The following THRB variants were observed in gnomAD, a reference collection of about 807,000 sequenced individuals.
THRB encodes the protein nuclear receptor subfamily 1 group A member 2.
THRB carries 12 observed loss-of-function variants against 47.8 expected under a neutral mutation model. The observed-to-expected ratio is 0.25, with a 90% CI of 0.16 to 0.41. The LOEUF (loss-of-function observed/expected upper bound fraction) is 0.41, where lower values mean the gene tolerates loss of function less well. Ranked by LOEUF, THRB falls within the 10% of genes least tolerant of loss-of-function variation. The probability of loss-of-function intolerance (pLI) is 1.00; values close to 1 mark genes in which losing one functional copy is unlikely to be tolerated. For synonymous variants in THRB, 218 were observed against 212.2 expected, an observed-to-expected ratio of 1.03 and a Z score of -0.24; for missense variants, 348 against 589.2, an observed-to-expected ratio of 0.59 and a Z score of 4.24.
intron 1 of THRB, among the ~76,000 whole-genome samples, chr3:24,360,347 T>C (rs910979149): frequency 1.3e-5 from 2 of 152,174 alleles, no homozygotes; most frequent in African/African-American, 2.4e-5. Flanking sequence ...ATGTGTTCAG[T>C]AGACCAGCAG....
chr3:24,123,258 C>T (rs115927097), intron 10 of THRB, 133 bp from the exon 11 acceptor site: 10 of 1,323,308 alleles, frequency 7.6e-6, no homozygotes, highest in East Asian at 2.3e-5. Context: ...ATGGATGCAG[C>T]GTGAACTCTG....
intron 1 of THRB, among the ~76,000 whole-genome samples, chr3:24,376,234 A>C (rs1362935458): frequency 6.6e-6 from 1 of 152,212 alleles, no homozygotes; most frequent in Non-Finnish European, 1.5e-5. Flanking sequence ...ACTAGACAAC[A>C]GTCCACGGCT....
intron 3 of THRB, among the ~76,000 whole-genome samples, chr3:24,232,663 C>T (rs937080757): frequency 6.6e-6 from 1 of 152,042 alleles, no homozygotes; most frequent in Non-Finnish European, 1.5e-5. Flanking sequence ...TGTGATAAGA[C>T]CCAATGTGGG....
intron 5 of THRB, among the ~76,000 whole-genome samples, chr3:24,186,816 A>G (rs1285169707): frequency 5.3e-5 from 8 of 151,934 alleles, no homozygotes; most frequent in African/African-American, 1.9e-4. Context: ...CATGTGGTGC[A>G]TGCTTGTAAT....
chr3:24,375,833 C>T (rs1348848008), intron 1 of THRB, among the ~76,000 whole-genome samples: 2 of 151,886 alleles, frequency 1.3e-5, no homozygotes, highest in East Asian at 3.9e-4. Context: ...ATCTTCTGAT[C>T]CCAAGTCTTT....
intron 3 of THRB, among the ~76,000 whole-genome samples, chr3:24,277,404 C>A (rs563730552): frequency 1.3e-5 from 2 of 152,128 alleles, no homozygotes; most frequent in African/African-American, 2.4e-5. Flanking sequence ...CAGTGTACAT[C>A]AGAATCACTT....
intron 2 of THRB, among the ~76,000 whole-genome samples, chr3:24,328,253 A>G (rs2061711421): frequency 6.6e-6 from 1 of 152,198 alleles, no homozygotes; most frequent in Non-Finnish European, 1.5e-5. Flanking sequence ...AACACTTCTT[A>G]CGGAAATAAT....
intron 5 of THRB, among the ~76,000 whole-genome samples, chr3:24,179,957 G>A (rs2683538): frequency 0.72 from 109,767 of 152,118 alleles, 40,981 homozygotes; most frequent in African/African-American, 0.93. Flanking sequence ...CAAGGAAAAG[G>A]TAACAAGAAA....
At chr3:24,321,610 T>C (rs915990468) in intron 2 of THRB, among the ~76,000 whole-genome samples, 42 of 151,976 alleles carry the variant, frequency 2.8e-4, no homozygotes, top group Admixed American at 2.0e-3. Context: ...TGAAAATTTA[T>C]GGGGGATTGT....
At chr3:24,309,367 A>C (rs914457421) in intron 2 of THRB, among the ~76,000 whole-genome samples, 5 of 152,340 alleles carry the variant, frequency 3.3e-5, no homozygotes, top group East Asian at 1.9e-4. Context: ...AATTAAAGGA[A>C]CAATCACAAA....
chr3:24,283,260 G>A (rs1369797861), intron 3 of THRB, among the ~76,000 whole-genome samples: 2 of 152,194 alleles, frequency 1.3e-5, no homozygotes, highest in African/African-American at 2.4e-5. Flanking sequence ...TCATCCCTGG[G>A]ATGCAAGGCT....
chr3:24,273,793 C>T (rs1411585377), intron 3 of THRB, among the ~76,000 whole-genome samples: 3 of 151,854 alleles, frequency 2.0e-5, no homozygotes, highest in Admixed American at 1.3e-4. Context: ...CTTCCCGAAC[C>T]CCCCCACCCC....
chr3:24,294,040 T>C (rs2056213805), intron 3 of THRB, among the ~76,000 whole-genome samples: 1 of 152,242 alleles, frequency 6.6e-6, no homozygotes, highest in Non-Finnish European at 1.5e-5. Context: ...TCAATTGAGC[T>C]GACCCTGCGG....
intron 5 of THRB, among the ~76,000 whole-genome samples, chr3:24,159,736 T>C (rs2038480429): frequency 4.5e-5 from 1 of 22,448 alleles, no homozygotes; most frequent in Non-Finnish European, 7.1e-5. Flanking sequence ...GCTGTGTGTG[T>C]GTGTGTGTGT....
intron 1 of THRB, among the ~76,000 whole-genome samples, chr3:24,370,822 C>G (rs2064849885): frequency 6.6e-6 from 1 of 152,088 alleles, no homozygotes. Flanking sequence ...TACTCTGGCT[C>G]CAGCTTCACT....
chr3:24,211,991 C>T (rs921487669), intron 4 of THRB, among the ~76,000 whole-genome samples: 2 of 152,182 alleles, frequency 1.3e-5, no homozygotes, highest in African/African-American at 4.8e-5. Flanking sequence ...AGGCTGGGCA[C>T]GGTGGTTCAC....
intron 4 of THRB, among the ~76,000 whole-genome samples, chr3:24,212,704 C>G (rs375451236): frequency 5.2e-4 from 79 of 152,054 alleles, no homozygotes; most frequent in African/African-American, 1.9e-3. Context: ...TATGCTGACA[C>G]AGAACACAAC....
At chr3:24,372,237 A>AT (rs1302458338) in intron 1 of THRB, among the ~76,000 whole-genome samples, 1 of 152,016 alleles carries the variant, frequency 6.6e-6, no homozygotes, top group African/African-American at 2.4e-5. Context: ...GTATTTGCTG[A>AT]TTTTCAGGTG....
intron 5 of THRB, 113 bp downstream of exon 5, chr3:24,189,961 A>C: frequency 9.6e-7 from 1 of 1,043,722 alleles, no homozygotes. Flanking sequence ...AGTTGGAGAA[A>C]ACATGGGACA....
Sources: gnomAD v4.1 joint callset for allele counts (sites outside exome capture counted in the v4.1 genomes callset) on GRCh38, gnomAD v4.1.1 for gene constraint, MANE v1.5 for transcripts, NCBI Gene and HGNC (gene_info 2026-07-23, HGNC 2026-07-21) for gene names.